Variants in SLMAP observed in about 807,000 individuals in gnomAD.
The protein encoded by SLMAP is sarcolemmal membrane-associated protein.
Under a neutral mutation model 128.8 loss-of-function variants are expected in SLMAP, and 44 were observed. The ratio of observed to expected loss-of-function variants is 0.34; its 90% confidence interval spans 0.27 to 0.44. The LOEUF (loss-of-function observed/expected upper bound fraction) is 0.44. SLMAP is among the 20% of genes least tolerant of loss of function. SLMAP has a pLI of 1.00. For synonymous variants in SLMAP, 327 were observed against 348.8 expected, an observed-to-expected ratio of 0.94 and a Z score of 0.70; for missense variants, 787 against 985.3, an observed-to-expected ratio of 0.80 and a Z score of 2.69.
chr3:57,811,173 A>G (rs1309838900), intron 2 of SLMAP, among the ~76,000 whole-genome samples: 1 of 152,190 alleles, frequency 6.6e-6, no homozygotes, highest in East Asian at 1.9e-4. Flanking sequence ...AACCATTATC[A>G]CCATTCATCT....
intron 2 of SLMAP, among the ~76,000 whole-genome samples, chr3:57,810,577 A>C (rs998249584): frequency 6.6e-6 from 1 of 152,172 alleles, no homozygotes; most frequent in Non-Finnish European, 1.5e-5. Flanking sequence ...ATTTATCTAT[A>C]TATGCGGCCT....
At chr3:57,769,306 C>A (rs940173397) in intron 2 of SLMAP, among the ~76,000 whole-genome samples, 3 of 152,084 alleles carry the variant, frequency 2.0e-5, no homozygotes, top group Admixed American at 6.5e-5. Flanking sequence ...CATTCTCCTG[C>A]CTCAGCCTCC....
At chr3:57,894,193 T>C (rs12497570) in intron 15 of SLMAP, among the ~76,000 whole-genome samples, 24,025 of 152,100 alleles carry the variant, frequency 0.16, 2,443 homozygotes, top group East Asian at 0.43. Context: ...AAAGTAAATG[T>C]CCACCATGTC....
chr3:57,909,002 T>G, intron 18 of SLMAP, 74 bp from the exon 19 acceptor site: 2 of 1,056,694 alleles, frequency 1.9e-6, no homozygotes, highest in Non-Finnish European at 2.8e-6. Flanking sequence ...TTAAAAGAAA[T>G]TTTCAGCTGC....
chr3:57,813,279 A>G (rs1340345234), intron 2 of SLMAP, among the ~76,000 whole-genome samples: 1 of 151,972 alleles, frequency 6.6e-6, no homozygotes, highest in African/African-American at 2.4e-5. Flanking sequence ...TATTTTTGGT[A>G]GAGATGGGGT....
chr3:57,897,193 G>T, intron 17 of SLMAP: 1 of 959,984 alleles, frequency 1.0e-6, no homozygotes, highest in Non-Finnish European at 1.4e-6. Context: ...TGTGTTTTTT[G>T]TTTACCCTTG....
At chr3:57,776,785 A>G (rs544887713) in intron 2 of SLMAP, among the ~76,000 whole-genome samples, 3 of 152,096 alleles carry the variant, frequency 2.0e-5, no homozygotes, top group African/African-American at 4.8e-5. Flanking sequence ...TCAGCCTCCC[A>G]AAGTGCTGGG....
chr3:57,924,340 C>G (rs2096965084), intron 23 of SLMAP, among the ~76,000 whole-genome samples: 1 of 151,610 alleles, frequency 6.6e-6, no homozygotes, highest in African/African-American at 2.4e-5. Flanking sequence ...GATTGAAAGC[C>G]CTGAGACTCA....
At position 57,770,775 on chromosome 3, in the gene SLMAP, G is replaced by C. The variant is rs190791596; in HGVS notation, c.198+12926G>C. On this transcript the variant is annotated intron_variant, in intron 2 of 24. Transcript: ENST00000671191. Reference sequence around the variant, plus strand: ...TTAGCAGAATACCTGGCACAGGATAGGCAGTCAATAGCTTGTGGCTGTTAG... The same window carrying C: ...TTAGCAGAATACCTGGCACAGGATACGCAGTCAATAGCTTGTGGCTGTTAG... Among the ~76,000 whole-genome samples, 26 of 152,328 alleles carry C rather than the reference G, an allele frequency of 1.7e-4. No individual in the cohort carries two copies. In the East Asian group the frequency reaches 4.2e-3, roughly 25 times the overall value.
chr3:57,757,527 A>G lies in SLMAP; in HGVS notation c.-125A>G. ...TGATGTTCACTGGTTATGCTTAGAC[A>G]ATGTGCAGTTTGTGTTAATTTAAAA... On this transcript the variant is annotated 5_prime_UTR_variant, in exon 2 of 25. Coordinates refer to ENST00000671191, the MANE Select transcript of SLMAP (RefSeq NM_001377540.1). The G allele has an allele frequency of 1.3e-6, 1 of 791,528 alleles. No homozygotes were observed. The highest frequency in any genetic ancestry group is 2.7e-5 in the East Asian group (1 of 37,506). 49.0% of individuals were successfully genotyped at this position (791,528 alleles called of 1,614,324 possible).
intron 2 of SLMAP, among the ~76,000 whole-genome samples, chr3:57,814,397 G>A (rs917564658): frequency 2.0e-5 from 3 of 151,994 alleles, no homozygotes; most frequent in Non-Finnish European, 2.9e-5. Context: ...CACCTCAACC[G>A]CTCAAATTGC....
At chr3:57,793,014 C>CCACACCT (rs2085871502) in intron 2 of SLMAP, among the ~76,000 whole-genome samples, 1 of 152,144 alleles carries the variant, frequency 6.6e-6, no homozygotes, top group Admixed American at 6.5e-5. Context: ...TGGTGCGCAC[C>CCACACCT]TGTGGTCCCA....
At chr3:57,883,769 A>G (rs191749375) in intron 14 of SLMAP, among the ~76,000 whole-genome samples, 7 of 152,252 alleles carry the variant, frequency 4.6e-5, no homozygotes, top group African/African-American at 7.2e-5. Context: ...AAGGCCTGCA[A>G]TGGGGTAAAG....
intron 2 of SLMAP, among the ~76,000 whole-genome samples, chr3:57,775,077 C>T (rs1304332126): frequency 1.3e-5 from 2 of 149,948 alleles, no homozygotes; most frequent in Non-Finnish European, 3.0e-5. Flanking sequence ...TTTTTTGAGA[C>T]GGAGTCTCGC....
At position 57,769,068 on chromosome 3, in the gene SLMAP, G is replaced by A. The variant is rs139711479; in HGVS notation, c.198+11219G>A. On this transcript the variant is annotated intron_variant, in intron 2 of 24. Coordinates refer to ENST00000671191, the MANE Select transcript of SLMAP (RefSeq NM_001377540.1). ...TAGGATATGACTGCCAAATTGGTAC[G>A]AGTTTCTTTTTGGGATGATGAAAAT... Among the ~76,000 whole-genome samples, 328 of 152,308 alleles carry A rather than the reference G, an allele frequency of 2.2e-3. 1 individual carries two copies. Among genetic ancestry groups the A allele is most frequent in the African/African-American group, 7.6e-3 (317 of 41,568 alleles).
chr3:57,884,765 C>T (rs1458185890), intron 14 of SLMAP, among the ~76,000 whole-genome samples: 1 of 151,922 alleles, frequency 6.6e-6, no homozygotes, highest in East Asian at 1.9e-4. Context: ...GCAGAGATCA[C>T]GCCACTGCAC....
At chr3:57,894,454 A>ATG in intron 15 of SLMAP, among the ~76,000 whole-genome samples, 1 of 152,326 alleles carries the variant, frequency 6.6e-6, no homozygotes, top group Non-Finnish European at 1.5e-5. Flanking sequence ...TGTATCGCAT[A>ATG]TGTGCTGTGT....
intron 3 of SLMAP, among the ~76,000 whole-genome samples, chr3:57,834,847 C>T (rs950133667): frequency 1.3e-5 from 2 of 152,000 alleles, no homozygotes; most frequent in Admixed American, 6.6e-5. Context: ...CAGGGTTTGG[C>T]ATAGTGGCTC....
intron 8 of SLMAP, 112 bp downstream of exon 8, chr3:57,858,271 C>G: frequency 1.5e-6 from 1 of 674,104 alleles, no homozygotes; most frequent in Non-Finnish European, 2.7e-6. Flanking sequence ...TTCCACAATT[C>G]TTTTAAATCT....
Sources: gnomAD v4.1 joint callset for allele counts (sites outside exome capture counted in the v4.1 genomes callset) on GRCh38, gnomAD v4.1.1 for gene constraint, MANE v1.5 for transcripts, NCBI Gene and HGNC (gene_info 2026-07-23, HGNC 2026-07-21) for gene names.